Variants in SLC25A16 observed in about 807,000 individuals in gnomAD.
SLC25A16 encodes mitochondrial coenzyme A transporter SLC25A16.
A neutral mutation model predicts 41.5 loss-of-function variants in SLC25A16; 39 were observed. That is an observed-to-expected ratio of 0.94 (90% CI 0.73 to 1.23). The LOEUF is 1.23. Among genes scored for constraint, SLC25A16 ranks in the 50% most tolerant of loss-of-function variants. The pLI is 0.00. For missense variants in SLC25A16, 421 were observed against 426.9 expected, an observed-to-expected ratio of 0.99 and a Z score of 0.12; for synonymous variants, 146 against 147.8, an observed-to-expected ratio of 0.99 and a Z score of 0.09.
chr10:68,500,044 G>C (rs986905907), intron 4 of SLC25A16: 5 of 287,152 alleles, frequency 1.7e-5, no homozygotes, highest in Non-Finnish European at 2.7e-5. Flanking sequence ...TCAATCTTTA[G>C]GTTTCCTTTT....
intron 7 of SLC25A16, 88 bp downstream of exon 7, chr10:68,488,379 T>C: frequency 1.0e-6 from 1 of 954,728 alleles, no homozygotes; most frequent in Non-Finnish European, 1.5e-6. Context: ...TTGAATAATC[T>C]ATTAGAAAAA....
intron 2 of SLC25A16, among the ~76,000 whole-genome samples, chr10:68,512,279 C>T (rs2053076706): frequency 6.6e-6 from 1 of 151,842 alleles, no homozygotes; most frequent in Admixed American, 6.6e-5. Flanking sequence ...TTTAAGACAC[C>T]CTGTCACAAA....
intron 6 of SLC25A16, among the ~76,000 whole-genome samples, chr10:68,490,273 C>T (rs1475876928): frequency 2.0e-5 from 3 of 151,824 alleles, no homozygotes; most frequent in Admixed American, 6.6e-5. Flanking sequence ...GGCAACACAG[C>T]GAGACTCTAT....
chr10:68,491,746 T>A (rs1041261154), intron 6 of SLC25A16, among the ~76,000 whole-genome samples: 1 of 152,194 alleles, frequency 6.6e-6, no homozygotes. Flanking sequence ...AGCCACTTTC[T>A]CTAACAGGCC....
In SLC25A16 at chr10:68,484,596, T is replaced by C. The variant is rs145259002; in HGVS notation, c.843-1008A>G. ...ACACACCACCATGCCTCACTAAATT[T>C]TTTGTTTGTTTGTTTTTAGTTAAAA... On this transcript the variant is annotated intron_variant, in intron 8 of 8. Coordinates refer to ENST00000609923, the MANE Select transcript of SLC25A16 (RefSeq NM_152707.4). Among the ~76,000 whole-genome samples the C allele has an allele frequency of 2.4e-3, 361 of 151,712 alleles. 1 individual carries two copies. The highest frequency in any genetic ancestry group is 8.2e-3 in the African/African-American group (341 of 41,334).
rs902813165 is a variant in SLC25A16 at position 68,480,240 on chromosome 10, C to A, written c.*3192G>T. On this transcript the variant is annotated 3_prime_UTR_variant, in exon 9 of 9. Coordinates refer to ENST00000609923, the MANE Select transcript of SLC25A16 (RefSeq NM_152707.4). Reference sequence around the variant, plus strand: ...ATGTCAGTCTTCAAATGGAAGATAACCTGGCAAGATGCACTTTGGGCAATC... The same window carrying A: ...ATGTCAGTCTTCAAATGGAAGATAAACTGGCAAGATGCACTTTGGGCAATC... 2.0e-5 allele frequency: 3 copies of A among 152,016 alleles called. No homozygotes were observed. Among genetic ancestry groups the A allele is most frequent in the Non-Finnish European group, 4.4e-5 (3 of 68,026 alleles). The allele number at this position is 152,016 out of a possible 1,614,324, so 9.4% of individuals were successfully genotyped here.
At chr10:68,512,862 A>AC (rs774656495) in intron 2 of SLC25A16, among the ~76,000 whole-genome samples, 105 of 151,054 alleles carry the variant, frequency 7.0e-4, no homozygotes, top group Non-Finnish European at 1.2e-3. Context: ...ACATAGTGAA[A>AC]CCCCATCTCT....
intron 8 of SLC25A16, among the ~76,000 whole-genome samples, chr10:68,486,334 A>ATCC (rs918140760): frequency 6.6e-6 from 1 of 151,396 alleles, no homozygotes; most frequent in Admixed American, 6.6e-5. Flanking sequence ...AGCTCAAGTG[A>ATCC]TCCTCCCACC....
intron 7 of SLC25A16, among the ~76,000 whole-genome samples, chr10:68,487,792 A>G (rs756256753): frequency 3.3e-5 from 5 of 152,216 alleles, no homozygotes; most frequent in Non-Finnish European, 5.9e-5. Flanking sequence ...AAAATTTTCC[A>G]TAAGGGCTAA....
At chr10:68,505,906 G>A (rs942376902) in intron 3 of SLC25A16, among the ~76,000 whole-genome samples, 25 of 152,046 alleles carry the variant, frequency 1.6e-4, no homozygotes, top group Non-Finnish European at 3.1e-4. Context: ...GGTGGCGGGC[G>A]CCTGTAATTC....
intron 8 of SLC25A16, among the ~76,000 whole-genome samples, chr10:68,486,345 T>C (rs1306009405): frequency 6.6e-6 from 1 of 151,870 alleles, no homozygotes; most frequent in Non-Finnish European, 1.5e-5. Flanking sequence ...TCCTCCCACC[T>C]TGGCCCCCCA....
chr10:68,496,663 T>C, intron 4 of SLC25A16: 1 of 973,388 alleles, frequency 1.0e-6, no homozygotes, highest in South Asian at 4.8e-5. Flanking sequence ...TAAATTCTCA[T>C]CATCTTACTG....
At chr10:68,485,197 C>T (rs1475168922) in intron 8 of SLC25A16, among the ~76,000 whole-genome samples, 1 of 152,024 alleles carries the variant, frequency 6.6e-6, no homozygotes, top group Non-Finnish European at 1.5e-5. Context: ...TCAAGTGATT[C>T]TTGTGCCTCA....
chr10:68,523,287 G>A (rs2053277421), intron 1 of SLC25A16, among the ~76,000 whole-genome samples: 2 of 151,988 alleles, frequency 1.3e-5, no homozygotes, highest in African/African-American at 4.8e-5. Flanking sequence ...CAGACTGGGT[G>A]TCACTATGTT....
intron 4 of SLC25A16, among the ~76,000 whole-genome samples, chr10:68,501,178 G>A (rs1183748412): frequency 2.0e-5 from 3 of 151,904 alleles, no homozygotes; most frequent in African/African-American, 7.2e-5. Context: ...TTGAACCCAG[G>A]AGGTGGGGGT....
At chr10:68,499,659 ATG>A in intron 4 of SLC25A16, 1 of 361,380 alleles carries the variant, frequency 2.8e-6, no homozygotes, top group Admixed American at 3.0e-5. Context: ...CAGAAATACA[ATG>A]TGTGATCCAT....
At chr10:68,496,020 G>C (rs565714844) in intron 4 of SLC25A16, among the ~76,000 whole-genome samples, 113 of 152,162 alleles carry the variant, frequency 7.4e-4, no homozygotes, top group African/African-American at 2.5e-3. Context: ...ACACAGTAAA[G>C]GTTATATATG....
chr10:68,497,268 T>C (rs966159423), intron 4 of SLC25A16, among the ~76,000 whole-genome samples: 2 of 152,164 alleles, frequency 1.3e-5, no homozygotes, highest in Non-Finnish European at 2.9e-5. Context: ...AGATTCTAAA[T>C]ATATACTTTA....
intron 1 of SLC25A16, among the ~76,000 whole-genome samples, chr10:68,520,752 C>T (rs2053237019): frequency 2.1e-5 from 3 of 143,398 alleles, no homozygotes; most frequent in South Asian, 4.4e-4. Flanking sequence ...GCAGAGGTTG[C>T]AGTGATTCAC....
Sources: gnomAD v4.1 joint callset for allele counts (sites outside exome capture counted in the v4.1 genomes callset) on GRCh38, gnomAD v4.1.1 for gene constraint, MANE v1.5 for transcripts, NCBI Gene and HGNC (gene_info 2026-07-23, HGNC 2026-07-21) for gene names.